The following ROBO2 variants were observed in gnomAD, a reference collection of about 807,000 sequenced individuals.
ROBO2 encodes the protein roundabout guidance receptor 2.
A neutral mutation model predicts 160.8 loss-of-function variants in ROBO2; 53 were observed. That is an observed-to-expected ratio of 0.33 (90% CI 0.26 to 0.41). The LOEUF is 0.41. ROBO2 is among the 10% of genes least tolerant of loss of function. The pLI is 1.00. For missense variants in ROBO2, 1,577 were observed against 1,722.4 expected, an observed-to-expected ratio of 0.92 and a Z score of 1.49; for synonymous variants, 664 against 611.7, an observed-to-expected ratio of 1.09 and a Z score of -1.26.
intron 2 of ROBO2, among the ~76,000 whole-genome samples, chr3:77,417,447 G>T (rs1401895370): frequency 1.4e-5 from 2 of 148,098 alleles, no homozygotes; most frequent in Admixed American, 1.3e-4. Flanking sequence ...TTTCATATAT[G>T]CCCAGTGGAA....
At chr3:76,810,542 A>G (rs1167010) in intron 2 of ROBO2, among the ~76,000 whole-genome samples, 36,418 of 151,998 alleles carry the variant, frequency 0.24, 4,659 homozygotes, top group East Asian at 0.45. Context: ...ATCTCTAAGA[A>G]AAGAGTAAAG....
At chr3:77,339,587 G>A (rs1382509726) in intron 2 of ROBO2, among the ~76,000 whole-genome samples, 1 of 152,092 alleles carries the variant, frequency 6.6e-6, no homozygotes, top group East Asian at 1.9e-4. Flanking sequence ...TTTAATGAAA[G>A]AAAAGTTGTT....
At chr3:77,316,661 A>T in intron 2 of ROBO2, 1 of 658,518 alleles carries the variant, frequency 1.5e-6, no homozygotes. Context: ...CAATACTTGC[A>T]TCCCAGTCAT....
chr3:76,643,252 T>C (rs977965948), intron 2 of ROBO2, among the ~76,000 whole-genome samples: 9 of 152,166 alleles, frequency 5.9e-5, no homozygotes, highest in Non-Finnish European at 8.8e-5. Context: ...TTAAGTAGGT[T>C]GTGTATAGCA....
chr3:75,968,702 C>A lies in ROBO2; in HGVS notation c.109+31100C>A, dbSNP rs1255556495. Among the ~76,000 whole-genome samples the A allele has an allele frequency of 2.6e-5, 4 of 151,522 alleles. No individual in the cohort carries two copies. In the Admixed American group the frequency reaches 2.6e-4, roughly 10 times the overall value. On this transcript the variant is annotated intron_variant, in intron 2 of 26. Coordinates refer to the ROBO2 transcript ENST00000487694. ...ACAACTTACTCATCCTACATGACTGCCAGTTTGTACCCTTTGATCTGCTTT... is the reference window on the plus strand; with the variant it reads ...ACAACTTACTCATCCTACATGACTGACAGTTTGTACCCTTTGATCTGCTTT...
intron 2 of ROBO2, among the ~76,000 whole-genome samples, chr3:75,991,061 G>A (rs898074596): frequency 1.3e-5 from 2 of 152,136 alleles, no homozygotes; most frequent in Non-Finnish European, 2.9e-5. Context: ...CTGAATTATA[G>A]TACCTGCTTT....
rs187616295 is a variant in ROBO2 at position 77,463,449 on chromosome 3, C to T, written c.389-13965C>T. ...TTTTAGAATTATATTATATATAAAT[C>T]CCTACTCGCTTATTCATAGCGATGA... is the stretch of plus-strand genomic sequence containing the variant. On this transcript the variant is annotated intron_variant, in intron 2 of 25. Coordinates refer to ENST00000461745, the Ensembl canonical transcript of ROBO2. Among the ~76,000 whole-genome samples, 450 of 152,116 alleles carry T rather than the reference C, an allele frequency of 3.0e-3. 3 individuals are homozygous for T. The highest frequency in any genetic ancestry group is 5.1e-3 in the Admixed American group (78 of 15,286).
intron 2 of ROBO2, among the ~76,000 whole-genome samples, chr3:77,161,546 GAGTAA>G (rs1167226632): frequency 6.6e-6 from 1 of 152,176 alleles, no homozygotes; most frequent in Non-Finnish European, 1.5e-5. Context: ...AACCTGAAGA[GAGTAA>G]AGTAGTTGAA....
intron 2 of ROBO2, among the ~76,000 whole-genome samples, chr3:77,297,493 C>T (rs769131137): frequency 2.6e-5 from 4 of 152,088 alleles, no homozygotes; most frequent in Non-Finnish European, 4.4e-5. Context: ...GAGATGAGTC[C>T]TTTACAGGCA....
chr3:77,044,323 T>C (rs1322071426), intron 1 of ROBO2, among the ~76,000 whole-genome samples: 1 of 152,202 alleles, frequency 6.6e-6, no homozygotes, highest in African/African-American at 2.4e-5. Context: ...AGCTGATGTA[T>C]GTGGGATGTG....
chr3:77,583,152 CAA>C (rs56827523), intron 16 of ROBO2, among the ~76,000 whole-genome samples: 94 of 53,746 alleles, frequency 1.7e-3, no homozygotes, highest in African/African-American at 8.3e-3. Context: ...TCTGTCTCTC[CAA>C]AAAAAAAAAA....
At chr3:76,121,926 A>G (rs899819432) in intron 2 of ROBO2, among the ~76,000 whole-genome samples, 1 of 152,180 alleles carries the variant, frequency 6.6e-6, no homozygotes, top group African/African-American at 2.4e-5. Flanking sequence ...GATAGTATCT[A>G]TGTAACGTGA....
intron 5 of ROBO2, among the ~76,000 whole-genome samples, chr3:77,518,588 G>A (rs1193793893): frequency 1.2e-4 from 18 of 151,440 alleles, no homozygotes. Context: ...GAGAGCCAAG[G>A]AGGTAGCTCT....
chr3:76,058,179 A>G (rs2067921909), intron 2 of ROBO2, among the ~76,000 whole-genome samples: 1 of 151,878 alleles, frequency 6.6e-6, no homozygotes, highest in Non-Finnish European at 1.5e-5. Context: ...AGGTATACAC[A>G]TGCCATGATG....
chr3:76,528,915 G>A (rs756302821), intron 2 of ROBO2, among the ~76,000 whole-genome samples: 15 of 152,108 alleles, frequency 9.9e-5, no homozygotes, highest in Non-Finnish European at 8.8e-5. Context: ...AGCATTTCAA[G>A]GAAAGGTCCA....
intron 2 of ROBO2, among the ~76,000 whole-genome samples, chr3:76,275,453 C>T (rs1707864611): frequency 6.6e-6 from 1 of 152,068 alleles, no homozygotes; most frequent in Non-Finnish European, 1.5e-5. Flanking sequence ...TTTTTCTCTT[C>T]TTTGTACTGT....
At chr3:75,989,114 T>G (rs1157145567) in intron 2 of ROBO2, among the ~76,000 whole-genome samples, 2 of 152,000 alleles carry the variant, frequency 1.3e-5, no homozygotes. Flanking sequence ...ATTTTGTTGT[T>G]GTTGTTTTGT....
chr3:76,151,421 T>C (rs1158675238), intron 2 of ROBO2, among the ~76,000 whole-genome samples: 1 of 152,202 alleles, frequency 6.6e-6, no homozygotes, highest in East Asian at 1.9e-4. Context: ...TTGGGCGGTC[T>C]ATTTCAATTT....
intron 23 of ROBO2, chr3:77,630,694 A>C (rs1211612528): frequency 6.6e-6 from 1 of 152,114 alleles, no homozygotes; most frequent in Non-Finnish European, 1.5e-5. Flanking sequence ...TGCTTCACAA[A>C]AATAATGTAG....
Sources: allele counts gnomAD v4.1 joint callset (sites outside exome capture counted in the v4.1 genomes callset), GRCh38; gene constraint gnomAD v4.1.1; transcripts MANE v1.5; gene names NCBI Gene and HGNC (gene_info 2026-07-23, HGNC 2026-07-21).